SELPLG: variants seen among roughly 807,000 people sequenced by gnomAD.
SELPLG encodes selectin P ligand.
In SELPLG, 2 loss-of-function variants were observed where a neutral mutation model predicts 1.1. The observed-to-expected ratio is 1.82, with a 90% CI of 0.74 to 5.71. SELPLG has a LOEUF of 5.71. SELPLG is among the 30% of genes most tolerant of loss of function. The pLI is 0.05. For synonymous variants in SELPLG, 230 were observed against 221.2 expected, an observed-to-expected ratio of 1.04 and a Z score of -0.35; for missense variants, 478 against 524.7, an observed-to-expected ratio of 0.91 and a Z score of 0.87.
chr12:108,627,560 A>T (rs2031957903), intron 1 of SELPLG, among the ~76,000 whole-genome samples: 1 of 152,204 alleles, frequency 6.6e-6, no homozygotes, highest in Non-Finnish European at 1.5e-5. Flanking sequence ...CCTGAGCTTC[A>T]GTTTTCCCAT....
chr12:108,623,271 G>A lies in SELPLG; in HGVS notation c.1037C>T (p.Ser346Phe), dbSNP rs1592817095. The change falls in exon 2 of 2, where the codon TCC becomes TTC. Residue 346 changes from serine to phenylalanine, a missense_variant. Transcript: ENST00000550948. Reference protein sequence around the residue: ...VCTVVLAVRLSRKGHMYPVRN... With the variant: ...VCTVVLAVRLFRKGHMYPVRN... The stretch of plus-strand genomic sequence containing the variant: ...CACGGGGTACATGTGGCCCTTGCGG[G>A]AGAGGCGGACCGCCAGCACCACAGT... 1 of 1,614,114 alleles carries A rather than the reference G, an allele frequency of 6.2e-7. No homozygotes were observed. Among genetic ancestry groups the A allele is most frequent in the Non-Finnish European group, 8.5e-7 (1 of 1,179,956 alleles).
Position 108,623,278 on chromosome 12 carries a change from G to A in SELPLG, c.1030C>T (p.Arg344Cys), listed in dbSNP as rs374734872. Reference sequence around the variant, plus strand: ...TACATGTGGCCCTTGCGGGAGAGGCGGACCGCCAGCACCACAGTGCACACG... The same window carrying A: ...TACATGTGGCCCTTGCGGGAGAGGCAGACCGCCAGCACCACAGTGCACACG... ...FFVCTVVLAV[R>C]LSRKGHMYPV... is the part of the protein sequence containing the mutation. The change falls in exon 2 of 2, where the codon CGC (arginine) becomes TGC (cysteine). Residue 344 changes from arginine to cysteine, a missense_variant. Physicochemically the swap from Arg to Cys is radical, Grantham distance 180 (BLOSUM62 -3). Coordinates refer to ENST00000550948, the MANE Select transcript of SELPLG (RefSeq NM_003006.4). 9.3e-6 allele frequency: 15 copies of A among 1,614,064 alleles called. No individual in the cohort carries two copies. The highest frequency in any genetic ancestry group is 2.2e-5 in the East Asian group (1 of 44,872).
chr12:108,630,425 A>T (rs2032027283), intron 1 of SELPLG, among the ~76,000 whole-genome samples: 1 of 152,164 alleles, frequency 6.6e-6, no homozygotes, highest in Non-Finnish European at 1.5e-5. Context: ...AGGATCTTGG[A>T]ATGCTAAAAT....
At chr12:108,624,383 AC>A in intron 1 of SELPLG, 71 bp from the exon 2 acceptor site, 1 of 1,372,666 alleles carries the variant, frequency 7.3e-7, no homozygotes, top group Non-Finnish European at 1.0e-6. Flanking sequence ...ACCCTAGACC[AC>A]CACCCTCTAC....
At chr12:108,632,551 G>A (rs1226527679) in intron 1 of SELPLG, among the ~76,000 whole-genome samples, 1 of 151,096 alleles carries the variant, frequency 6.6e-6, no homozygotes, top group African/African-American at 2.4e-5. Flanking sequence ...GTCTCACTCT[G>A]CCACCCGGGT....
At chr12:108,632,160 T>G in intron 1 of SELPLG, 1 of 529,642 alleles carries the variant, frequency 1.9e-6, no homozygotes, top group Non-Finnish European at 3.4e-6. Flanking sequence ...TTAACTCCCC[T>G]GGCTGCTGGC....
At position 108,623,260 on chromosome 12, in the gene SELPLG, G is replaced by T; in HGVS notation, c.1048C>A (p.His350Asn). Reference sequence around the variant, plus strand: ...GAGTAATTACGCACGGGGTACATGTGGCCCTTGCGGGAGAGGCGGACCGCC... The same window carrying T: ...GAGTAATTACGCACGGGGTACATGTTGCCCTTGCGGGAGAGGCGGACCGCC... Reference protein sequence around the residue: ...VLAVRLSRKGHMYPVRNYSPT... With the variant: ...VLAVRLSRKGNMYPVRNYSPT... The change falls in exon 2 of 2, where the codon CAC (histidine) becomes AAC (asparagine). Residue 350 changes from histidine (H) to asparagine (N), a missense_variant. His to Asn is a moderately conservative substitution (Grantham distance 68). Transcript: ENST00000550948. The T allele has an allele frequency of 6.2e-7, 1 of 1,614,086 alleles. No homozygotes were observed. The highest frequency in any genetic ancestry group is 8.5e-7 in the Non-Finnish European group (1 of 1,179,946).
chr12:108,632,684 T>C (rs1592824191), intron 1 of SELPLG, among the ~76,000 whole-genome samples: 1 of 151,784 alleles, frequency 6.6e-6, no homozygotes, highest in East Asian at 1.9e-4. Context: ...CTAGCTAAGT[T>C]TTTGTATTTT....
chr12:108,630,837 G>A (rs550971532), intron 1 of SELPLG, among the ~76,000 whole-genome samples: 1 of 152,356 alleles, frequency 6.6e-6, no homozygotes, highest in South Asian at 2.1e-4. Flanking sequence ...TTCTAAAAAT[G>A]TATTCACATT....
rs1213426250 is a variant in SELPLG, at chr12:108,623,912, C to CTGT, written c.393_395dup (p.Gln132dup). 2 of 1,608,326 alleles carry CTGT rather than the reference C, an allele frequency of 1.2e-6. No homozygotes were observed. The highest frequency in any genetic ancestry group is 1.7e-4 in the Middle Eastern group (1 of 6,060). On this transcript the variant is annotated inframe_insertion, in exon 2 of 2. Transcript: ENST00000550948. ...CCTCCGTGGGCACTGGTTGAGTGGT[C>CTGT]TGTGCCTCCGTGGCTGCTGGTTGAG...
At position 108,623,083 on chromosome 12, in the gene SELPLG, T is replaced by G; in HGVS notation, c.1225A>C (p.Ser409Arg). The G allele has an allele frequency of 4.0e-6, 6 of 1,505,442 alleles. No individual in the cohort carries two copies. The highest frequency in any genetic ancestry group is 4.4e-6 in the Non-Finnish European group (5 of 1,128,882). 93.3% of individuals were successfully genotyped at this position (1,505,442 alleles called of 1,614,324 possible). A position where few individuals can be genotyped will look rare whatever the true frequency, so the allele number is the denominator to read the frequency against. Residue 409 changes from serine (S) to arginine (R), a missense_variant, in exon 2 of 2, where the codon AGC becomes CGC. Physicochemically the swap from Ser to Arg is moderately radical, Grantham distance 110 (BLOSUM62 -1). Coordinates refer to ENST00000550948, the MANE Select transcript of SELPLG (RefSeq NM_003006.4). Reference protein sequence around the residue: ...DREGDDLTLHSFLP With the variant: ...DREGDDLTLHRFLP Reference sequence around the variant, plus strand: ...GGCAGAGTGAGCTAAGGGAGGAAGCTGTGCAGGGTGAGGTCATCCCCCTCA... The same window carrying G: ...GGCAGAGTGAGCTAAGGGAGGAAGCGGTGCAGGGTGAGGTCATCCCCCTCA...
intron 1 of SELPLG, among the ~76,000 whole-genome samples, chr12:108,631,614 A>AC (rs1224136457): frequency 6.6e-6 from 1 of 152,062 alleles, no homozygotes; most frequent in Admixed American, 6.6e-5. Context: ...TGGCTTGCAA[A>AC]CCACAGTGTT....
intron 1 of SELPLG, among the ~76,000 whole-genome samples, chr12:108,625,074 A>G (rs754372379): frequency 1.3e-5 from 2 of 152,204 alleles, no homozygotes; most frequent in Non-Finnish European, 2.9e-5. Flanking sequence ...ATTCATAAAT[A>G]GATTAATTGA....
intron 1 of SELPLG, among the ~76,000 whole-genome samples, chr12:108,626,568 C>T (rs2031940415): frequency 6.6e-6 from 1 of 152,224 alleles, no homozygotes; most frequent in Admixed American, 6.5e-5. Context: ...GCAATTATAG[C>T]TCACTGCAGC....
At chr12:108,631,987 T>G (rs1340649544) in intron 1 of SELPLG, 1 of 1,496,554 alleles carries the variant, frequency 6.7e-7, no homozygotes, top group Non-Finnish European at 9.0e-7. Context: ...CCAGAAGCCA[T>G]GCCGCCAGAG....
intron 1 of SELPLG, among the ~76,000 whole-genome samples, chr12:108,630,941 G>A (rs948972302): frequency 3.3e-5 from 5 of 152,186 alleles, no homozygotes; most frequent in Non-Finnish European, 5.9e-5. Context: ...CACACCCCTC[G>A]CAACACTCGC....
Position 108,624,185 on chromosome 12 carries a change from T to C in SELPLG, c.123A>G (p.Arg41=). ...CTAGGTACTCATATTCGGTGGCCTG[T>C]CTCCGGTCCCGGGCAAGCAGGGGAC... ...ALGPLLARDR[R]QATEYEYLDY... is the part of the protein sequence containing the mutation. The change falls in exon 2 of 2, where the codon AGA becomes AGG. Residue 41 remains arginine (R), a synonymous_variant. Transcript: ENST00000550948. 1 of 1,614,200 alleles carries C rather than the reference T, an allele frequency of 6.2e-7. No homozygotes were observed. Among genetic ancestry groups the C allele is most frequent in the Non-Finnish European group, 8.5e-7 (1 of 1,180,028 alleles).
Position 108,623,248 on chromosome 12 carries a change from C to G in SELPLG, c.1060G>C (p.Val354Leu), listed in dbSNP as rs145514203. Residue 354 changes from valine (V) to leucine (L), a missense_variant, in exon 2 of 2, where the codon GTG becomes CTG. Physicochemically the swap from Val to Leu is conservative, Grantham distance 32 (BLOSUM62 1). Coordinates refer to ENST00000550948, the MANE Select transcript of SELPLG (RefSeq NM_003006.4). The part of the protein sequence containing the change: ...RLSRKGHMYP[V>L]RNYSPTEMVC... The stretch of plus-strand genomic sequence containing the variant: ...ATCTCGGTGGGGGAGTAATTACGCA[C>G]GGGGTACATGTGGCCCTTGCGGGAG... 1.9e-5 allele frequency: 31 copies of G among 1,606,186 alleles called. No individual in the cohort carries two copies. In the African/African-American group the frequency reaches 3.4e-4, roughly 18 times the overall value.
At position 108,623,610 on chromosome 12, in the gene SELPLG, G is replaced by A. The variant is rs750202720; in HGVS notation, c.698C>T (p.Thr233Ile). The change falls in exon 2 of 2, where the codon ACC becomes ATC. Residue 233 changes from threonine (T) to isoleucine (I), a missense_variant. Thr to Ile is a moderately conservative substitution (Grantham distance 89). Coordinates refer to ENST00000550948, the MANE Select transcript of SELPLG (RefSeq NM_003006.4). ...TGCCTCCGTGGCTTCTGGTGCAGTG[G>A]TCTGTGCCTCCATGGCTGTGGTTTG... Reference protein sequence around the residue: ...TTQTTAMEAQTTAPEATEAQT... With the variant: ...TTQTTAMEAQITAPEATEAQT... 1 of 1,612,122 alleles carries A rather than the reference G, an allele frequency of 6.2e-7. No homozygotes were observed. Among genetic ancestry groups the A allele is most frequent in the African/African-American group, 1.3e-5 (1 of 74,290 alleles).
Sources: allele counts gnomAD v4.1 joint callset (sites outside exome capture counted in the v4.1 genomes callset), GRCh38; gene constraint gnomAD v4.1.1; transcripts MANE v1.5; gene names NCBI Gene and HGNC (gene_info 2026-07-23, HGNC 2026-07-21).